PCNX2: variants seen among roughly 807,000 people sequenced by gnomAD.
The protein encoded by PCNX2 is pecanex-like protein 2.
In PCNX2, 168 loss-of-function variants were observed where a neutral mutation model predicts 223.8. The ratio of observed to expected loss-of-function variants is 0.75; its 90% CI spans 0.66 to 0.85. The LOEUF is 0.85. Ranked by LOEUF, PCNX2 falls within the 40% of genes least tolerant of loss-of-function variation. PCNX2 has a pLI of 0.00. For synonymous variants in PCNX2, 1,006 were observed against 1,052.6 expected (o/e 0.96, Z 0.86); for missense variants, 2,507 against 2,675.5 (o/e 0.94, Z 1.39).
At chr1:233,203,954 G>A (rs763744647) in intron 13 of PCNX2, among the ~76,000 whole-genome samples, 2 of 152,076 alleles carry the variant, frequency 1.3e-5, no homozygotes, top group African/African-American at 2.4e-5. Context: ...ATAAATCGAC[G>A]GGAAAAAATG....
At chr1:233,308,730 TAA>T in the PCNX2 span, among the ~76,000 whole-genome samples, 2 of 152,148 alleles carry the variant, frequency 1.3e-5, no homozygotes, top group East Asian at 3.8e-4. Flanking sequence ...ATGTTAAATT[TAA>T]AAAGATAACT....
intron 21 of PCNX2, among the ~76,000 whole-genome samples, chr1:233,124,881 A>C (rs1249476444): frequency 6.6e-6 from 1 of 152,238 alleles, no homozygotes; most frequent in Non-Finnish European, 1.5e-5. Flanking sequence ...AAGAATCAAC[A>C]GCCCTAAAGT....
At chr1:233,076,591 A>G (rs1673107768) in intron 23 of PCNX2, among the ~76,000 whole-genome samples, 1 of 152,164 alleles carries the variant, frequency 6.6e-6, no homozygotes, top group African/African-American at 2.4e-5. Context: ...GACGGACCTC[A>G]CTTTTCCTTT....
chr1:233,187,195 G>A (rs961757534), intron 15 of PCNX2, among the ~76,000 whole-genome samples: 5 of 151,490 alleles, frequency 3.3e-5, no homozygotes, highest in South Asian at 2.1e-4. Context: ...AAAACACATC[G>A]AAGGTAAAAG....
intron 17 of PCNX2, among the ~76,000 whole-genome samples, chr1:233,174,649 T>G (rs2102850663): frequency 6.6e-6 from 1 of 152,226 alleles, no homozygotes; most frequent in East Asian, 1.9e-4. Flanking sequence ...AAATAGGCTT[T>G]TTTTTGTTTC....
At chr1:233,143,359 A>G (rs1049564013) in intron 19 of PCNX2, among the ~76,000 whole-genome samples, 2 of 152,244 alleles carry the variant, frequency 1.3e-5, no homozygotes, top group African/African-American at 4.8e-5. Context: ...GTTAAGATGC[A>G]GAGTCTGATG....
At chr1:233,176,671 C>T (rs541322224) in intron 17 of PCNX2, among the ~76,000 whole-genome samples, 2 of 152,362 alleles carry the variant, frequency 1.3e-5, no homozygotes, top group South Asian at 4.1e-4. Context: ...ACTGCAGCCA[C>T]CTGAGGGCCA....
At chr1:233,057,388 G>C (rs1417835394) in intron 23 of PCNX2, 98 bp from the exon 24 acceptor site, 1 of 897,012 alleles carries the variant, frequency 1.1e-6, no homozygotes, top group African/African-American at 1.7e-5. Context: ...AAATGCAAAG[G>C]TGACAGATCT....
chr1:233,047,300 T>G, intron 25 of PCNX2: 3 of 820,198 alleles, frequency 3.7e-6, no homozygotes, highest in South Asian at 5.6e-5. Context: ...AGAACATTTA[T>G]TGTGCTAGAT....
Position 232,986,561 on chromosome 1 carries a change from C to CA in PCNX2, c.5792-22dup, listed in dbSNP as rs1409898413. 32 of 1,494,132 alleles carry CA rather than the reference C, an allele frequency of 2.1e-5. No homozygotes were observed. In the Admixed American group the frequency reaches 6.2e-4, roughly 29 times the overall value. 92.6% of individuals were successfully genotyped at this position (1,494,132 alleles called of 1,614,324 possible). A position where few individuals can be genotyped will look rare whatever the true frequency, so the allele number is the denominator to read the frequency against. The stretch of plus-strand genomic sequence containing the variant: ...CCTGCCTTTAAAAGAAAGCAGAACA[C>CA]AGAGTTGTAGCGGGTGGGTCATGAA... On this transcript the variant is annotated intron_variant, in intron 32 of 33. Coordinates refer to ENST00000258229, the MANE Select transcript of PCNX2 (RefSeq NM_014801.4).
chr1:233,197,526 TG>T (rs1361615491), intron 15 of PCNX2, among the ~76,000 whole-genome samples: 1 of 152,216 alleles, frequency 6.6e-6, no homozygotes, highest in Non-Finnish European at 1.5e-5. Context: ...AGATAATTGT[TG>T]GTCTACATGA....
At chr1:233,061,197 A>G (rs934186111) in intron 23 of PCNX2, among the ~76,000 whole-genome samples, 20 of 152,208 alleles carry the variant, frequency 1.3e-4, no homozygotes, top group Non-Finnish European at 2.5e-4. Context: ...AATAGACTGT[A>G]ATTCTATTCA....
At chr1:233,166,027 G>C (rs1678773562) in intron 17 of PCNX2, among the ~76,000 whole-genome samples, 1 of 151,992 alleles carries the variant, frequency 6.6e-6, no homozygotes, top group African/African-American at 2.4e-5. Context: ...TAGATCAATG[G>C]AAAAGAATAA....
intron 3 of PCNX2, 31 bp from the exon 4 acceptor site, chr1:233,261,352 G>C (rs45559931): frequency 0.012 from 19,709 of 1,606,158 alleles, 177 homozygotes; most frequent in South Asian, 0.024. Flanking sequence ...AAAATCAATA[G>C]ATGACTCAGC....
intron 15 of PCNX2, among the ~76,000 whole-genome samples, chr1:233,196,476 G>A (rs1031820093): frequency 6.6e-6 from 1 of 151,942 alleles, no homozygotes; most frequent in Middle Eastern, 3.4e-3. Flanking sequence ...ATCTGTTAAA[G>A]GACTTGTATC....
chr1:232,990,898 G>A lies in PCNX2; in HGVS notation c.5792-4358C>T, dbSNP rs979217456. Among the ~76,000 whole-genome samples, 4 of 152,168 alleles carry A rather than the reference G, an allele frequency of 2.6e-5. No homozygotes were observed. Among genetic ancestry groups the A allele is most frequent in the East Asian group, 1.9e-4 (1 of 5,178 alleles). On this transcript the variant is annotated intron_variant, in intron 32 of 33. Coordinates refer to ENST00000258229, the MANE Select transcript of PCNX2 (RefSeq NM_014801.4). The surrounding 1 kb of genome is among the most constrained non-coding windows in gnomAD (Gnocchi z 4.3). ...CTTGCAGGCACGTGCACCCCCAGACGGGCATGTGAATGGGGAGGCTCCAGT... is the reference window on the plus strand; with the variant it reads ...CTTGCAGGCACGTGCACCCCCAGACAGGCATGTGAATGGGGAGGCTCCAGT...
the PCNX2 span, among the ~76,000 whole-genome samples, chr1:233,306,715 T>C: frequency 2.6e-5 from 4 of 152,326 alleles, no homozygotes; most frequent in Non-Finnish European, 2.9e-5. Context: ...CTTCACATGA[T>C]TGTGAAGAAT....
the PCNX2 span, among the ~76,000 whole-genome samples, chr1:233,315,492 G>T: frequency 6.6e-6 from 1 of 152,078 alleles, no homozygotes; most frequent in African/African-American, 2.4e-5. Flanking sequence ...TTTATATGTG[G>T]ATGAAAAATT....
At chr1:233,278,026 T>C (rs1181930967) in intron 1 of PCNX2, among the ~76,000 whole-genome samples, 2 of 152,346 alleles carry the variant, frequency 1.3e-5, no homozygotes, top group Middle Eastern at 6.8e-3. Flanking sequence ...GTAAACTATG[T>C]GTTAAGCACT....
Sources: allele counts gnomAD v4.1 joint callset (sites outside exome capture counted in the v4.1 genomes callset), GRCh38; gene constraint gnomAD v4.1.1; non-coding constraint Gnocchi (gnomAD v3.1); transcripts MANE v1.5; gene names NCBI Gene and HGNC (gene_info 2026-07-23, HGNC 2026-07-21).